Variants in CCDC33 observed in about 807,000 individuals in gnomAD.
CCDC33 encodes coiled-coil domain-containing protein 33.
CCDC33 carries 94 observed loss-of-function variants against 91.9 expected under a neutral mutation model. That is an observed-to-expected ratio of 1.02 (90% CI 0.87 to 1.21). The LOEUF is 1.21. Among genes scored for constraint, CCDC33 ranks in the 50% most tolerant of loss-of-function variants. The pLI is 0.00. For synonymous variants in CCDC33, 396 were observed against 374.5 expected (o/e 1.06, Z -0.66); for missense variants, 940 against 935.5 (o/e 1.00, Z -0.06).
chr15:74,279,478 A>G (rs2076532604), intron 7 of CCDC33, among the ~76,000 whole-genome samples: 3 of 152,068 alleles, frequency 2.0e-5, no homozygotes, highest in Admixed American at 2.0e-4. Flanking sequence ...ATTTTTCTGC[A>G]TTTTCCTAAA....
chr15:74,283,806 A>ACACACACACC (rs2059418769), intron 10 of CCDC33, among the ~76,000 whole-genome samples: 1 of 152,004 alleles, frequency 6.6e-6, no homozygotes, highest in African/African-American at 2.4e-5. Context: ...ACACACACAC[A>ACACACACACC]CACACACACA....
chr15:74,220,775 G>C (rs1381426667), intron 2 of CCDC33, among the ~76,000 whole-genome samples: 4 of 152,162 alleles, frequency 2.6e-5, no homozygotes, highest in African/African-American at 4.8e-5. Context: ...GGGGAGAGTG[G>C]GGGGAGAGTC....
At chr15:74,232,318 A>G (rs1218197201), upstream of CCDC33, among the ~76,000 whole-genome samples, 3 of 152,182 alleles carry the variant, frequency 2.0e-5, no homozygotes, top group African/African-American at 7.2e-5. Context: ...ACTATTTACA[A>G]TACTGAGGGT....
chr15:74,233,040 C>A (rs1334037196), upstream of CCDC33, among the ~76,000 whole-genome samples: 2 of 152,236 alleles, frequency 1.3e-5, no homozygotes, highest in African/African-American at 4.8e-5. Flanking sequence ...AGCCCTTCAA[C>A]AGAAATGTCC....
chr15:74,268,225 C>T (rs1038436), intron 4 of CCDC33, 117 bp from the exon 5 acceptor site: 436,324 of 732,246 alleles, frequency 0.6, 141,655 homozygotes, highest in Non-Finnish European at 0.7. Context: ...ATTATCAGCT[C>T]GGAGCCCCAG....
upstream of CCDC33, chr15:74,212,248 A>C (rs1042467808): frequency 1.3e-5 from 2 of 152,384 alleles, no homozygotes; most frequent in Non-Finnish European, 2.9e-5. Context: ...CTGGTGGAGC[A>C]GCCAAGCAAC....
chr15:74,329,584 C>T (rs1224977292), intron 11 of CCDC33, among the ~76,000 whole-genome samples: 1 of 152,238 alleles, frequency 6.6e-6, no homozygotes, highest in Non-Finnish European at 1.5e-5. Context: ...TCATGGCTGA[C>T]TCCAGCCCCC....
chr15:74,212,189 A>G (rs1222416415), exon 3 of CCDC33: 1 of 152,444 alleles, frequency 6.6e-6, no homozygotes, highest in Non-Finnish European at 1.5e-5. Flanking sequence ...CGCAGAGTCT[A>G]CAGGGCCCTG....
intron 7 of CCDC33, among the ~76,000 whole-genome samples, chr15:74,277,838 A>G (rs2076488920): frequency 6.6e-6 from 1 of 152,320 alleles, no homozygotes; most frequent in East Asian, 1.9e-4. Flanking sequence ...ATTTAGACAC[A>G]TGAATAGGTC....
intron 8 of CCDC33, among the ~76,000 whole-genome samples, 172 bp from the exon 9 acceptor site, chr15:74,280,496 G>A (rs1281404059): frequency 6.6e-6 from 1 of 152,226 alleles, no homozygotes; most frequent in African/African-American, 2.4e-5. Flanking sequence ...TATGTTTAGA[G>A]TTGGCTTTGA....
chr15:74,242,263 G>T (rs528858630), intron 1 of CCDC33, among the ~76,000 whole-genome samples: 1 of 152,320 alleles, frequency 6.6e-6, no homozygotes, highest in African/African-American at 2.4e-5. Context: ...GCCCAGCATG[G>T]TGAGAGGCAG....
chr15:74,248,185 A>G (rs1566968016), intron 2 of CCDC33, among the ~76,000 whole-genome samples: 1 of 152,178 alleles, frequency 6.6e-6, no homozygotes, highest in Non-Finnish European at 1.5e-5. Context: ...GTGTTAACTA[A>G]CTTGATCATG....
Position 74,332,839 on chromosome 15 carries a change from C to T in CCDC33, c.1932C>T (p.Ala644=), listed in dbSNP as rs1478849674. The stretch of plus-strand genomic sequence containing the variant: ...CCCCCATCATTCTGCAGCAACAGGC[C>T]CTGCCGGTAAGAGGCCCTTGACCTG... ...QQAPIILQQQ[A]LPDLLSGTSD... The change falls in exon 16 of 19, where the codon GCC becomes GCT. Residue 644 remains alanine (A), a synonymous_variant. Transcript: ENST00000398814. The T allele has an allele frequency of 3.7e-6, 6 of 1,613,790 alleles. No individual in the cohort carries two copies. Among genetic ancestry groups the T allele is most frequent in the Admixed American group, 1.7e-5 (1 of 59,994 alleles).
chr15:74,322,665 C>A lies in CCDC33; in HGVS notation c.1291-7524C>A, dbSNP rs530677341. On this transcript the variant is annotated intron_variant, in intron 11 of 18. Coordinates refer to ENST00000398814, the MANE Select transcript of CCDC33 (RefSeq NM_025055.5). Reference sequence around the variant, plus strand: ...CTCCTGGAACTGGGGAGAGAGACAGCTCCGCACACACCTTCCCCACAATAT... The same window carrying A: ...CTCCTGGAACTGGGGAGAGAGACAGATCCGCACACACCTTCCCCACAATAT... 2.6e-5 allele frequency among the ~76,000 whole-genome samples: 4 copies of A among 152,350 alleles called. No homozygotes were observed. The East Asian group carries it at 5.8e-4, about 22-fold the overall frequency.
rs539516080 is a variant in CCDC33, at chr15:74,271,903, C to T, written c.638+109C>T. ...CTGATTCCAGGACCTCCGGCAACCC[C>T]TCTACCCCTAAGGCCCTTCAAGCCT... is the stretch of plus-strand genomic sequence containing the variant. On this transcript the variant is annotated intron_variant, in intron 6 of 18. Coordinates refer to ENST00000398814, the MANE Select transcript of CCDC33 (RefSeq NM_025055.5). 7 of 882,272 alleles carry T rather than the reference C, an allele frequency of 7.9e-6. No individual in the cohort carries two copies. In the East Asian group the frequency reaches 1.9e-4, roughly 24 times the overall value. The allele number at this position is 882,272 out of a possible 1,614,324, so 54.7% of individuals were successfully genotyped here. A position where few individuals can be genotyped will look rare whatever the true frequency, so the allele number is the denominator to read the frequency against.
chr15:74,292,595 C>G (rs1299989832), intron 10 of CCDC33, among the ~76,000 whole-genome samples: 1 of 152,192 alleles, frequency 6.6e-6, no homozygotes, highest in Non-Finnish European at 1.5e-5. Context: ...TAAAATTCAC[C>G]TCTCCACCTT....
At chr15:74,318,170 C>T (rs1423677909) in intron 11 of CCDC33, among the ~76,000 whole-genome samples, 1 of 149,792 alleles carries the variant, frequency 6.7e-6, no homozygotes. Flanking sequence ...GACTCAGGGA[C>T]AGAGGGTGAG....
chr15:74,295,806 A>G lies in CCDC33; in HGVS notation c.1148A>G (p.Asp383Gly). The change falls in exon 11 of 19, where the codon GAC (aspartate) becomes GGC (glycine). Residue 383 changes from aspartate (D) to glycine (G), a missense_variant. Physicochemically the swap from Asp to Gly is moderately conservative, Grantham distance 94. Transcript: ENST00000398814. ...PNNSKALPTL[D>G]PKILDKKLRT... ...AACAGCAAGGCTCTTCCTACCTTGG[A>G]CCCCAAGATCCTGGATAAGAAGCTG... 1 of 1,614,090 alleles carries G rather than the reference A, an allele frequency of 6.2e-7. No individual in the cohort carries two copies. The highest frequency in any genetic ancestry group is 2.2e-5 in the East Asian group (1 of 44,878).
At chr15:74,276,184 G>C (rs984183254) in intron 7 of CCDC33, among the ~76,000 whole-genome samples, 5 of 152,228 alleles carry the variant, frequency 3.3e-5, no homozygotes, top group African/African-American at 1.2e-4. Flanking sequence ...CCATCTGCTG[G>C]TGATGAGGCA....
Sources: allele counts gnomAD v4.1 joint callset (sites outside exome capture counted in the v4.1 genomes callset), GRCh38; gene constraint gnomAD v4.1.1; transcripts MANE v1.5; gene names NCBI Gene and HGNC (gene_info 2026-07-23, HGNC 2026-07-21).